KCNH7: variants seen among roughly 807,000 people sequenced by gnomAD.
KCNH7 encodes the protein voltage-gated inwardly rectifying potassium channel KCNH7.
In KCNH7, 49 loss-of-function variants were observed where a neutral mutation model predicts 120.8. That is an observed-to-expected ratio of 0.41 (90% confidence interval 0.32 to 0.51). KCNH7 has a LOEUF of 0.51. KCNH7 is among the 20% of genes least tolerant of loss of function. The pLI, the probability that KCNH7 is intolerant of heterozygous loss-of-function variation, is 0.38. For missense variants in KCNH7, 1,097 were observed against 1,446.6 expected, an observed-to-expected ratio of 0.76 and a Z score of 3.92; for synonymous variants, 547 against 516.1, an observed-to-expected ratio of 1.06 and a Z score of -0.81.
rs571237606 is a variant in KCNH7 at position 162,741,825 on chromosome 2, A to G, written c.307+94712T>C. ...TTTTATGAAGCAATGTGAGATATACATAAGATACTGAAACTTTTTAAATGT... is the reference window on the plus strand; with the variant it reads ...TTTTATGAAGCAATGTGAGATATACGTAAGATACTGAAACTTTTTAAATGT... On this transcript the variant is annotated intron_variant, in intron 2 of 15. Coordinates refer to ENST00000332142, the MANE Select transcript of KCNH7 (RefSeq NM_033272.4). 3.3e-5 allele frequency among the ~76,000 whole-genome samples: 5 copies of G among 152,314 alleles called. No individual in the cohort carries two copies. In the East Asian group the frequency reaches 9.6e-4, roughly 29 times the overall value.
At chr2:162,636,666 T>G (rs73028550) in intron 2 of KCNH7, among the ~76,000 whole-genome samples, 19,337 of 152,122 alleles carry the variant, frequency 0.13, 2,432 homozygotes, top group African/African-American at 0.31. Flanking sequence ...GATCATATTC[T>G]GTTGCTTTTA....
chr2:162,655,726 G>A (rs1002321014), intron 2 of KCNH7, among the ~76,000 whole-genome samples: 4 of 152,156 alleles, frequency 2.6e-5, no homozygotes, highest in Non-Finnish European at 4.4e-5. Flanking sequence ...CTGGGAGGCG[G>A]AGGTTGCAGT....
chr2:162,425,873 A>G (rs1687844162), intron 8 of KCNH7, among the ~76,000 whole-genome samples: 1 of 152,182 alleles, frequency 6.6e-6, no homozygotes, highest in Non-Finnish European at 1.5e-5. Context: ...ACTTGCTGTC[A>G]AGATGAAACA....
intron 9 of KCNH7, 144 bp downstream of exon 9, chr2:162,423,192 G>C: frequency 1.3e-6 from 2 of 1,520,434 alleles, no homozygotes; most frequent in Non-Finnish European, 1.8e-6. Context: ...GAGAATGAGA[G>C]ACTATCTCCA....
chr2:162,422,485 C>CT (rs1000745213), intron 9 of KCNH7, among the ~76,000 whole-genome samples: 3 of 151,880 alleles, frequency 2.0e-5, no homozygotes, highest in Non-Finnish European at 4.4e-5. Context: ...TATTTTTATT[C>CT]TTTTTTTTCT....
chr2:162,822,210 G>T (rs1328386914), intron 2 of KCNH7, among the ~76,000 whole-genome samples: 2 of 151,382 alleles, frequency 1.3e-5, no homozygotes, highest in African/African-American at 4.9e-5. Context: ...AGATGTGGGT[G>T]CAAACTTCAT....
intron 3 of KCNH7, among the ~76,000 whole-genome samples, chr2:162,535,207 T>C (rs191063814): frequency 5.9e-5 from 9 of 151,902 alleles, no homozygotes; most frequent in Admixed American, 4.6e-4. Context: ...GTTGATTTCT[T>C]TTTAATGATA....
chr2:162,378,720 C>A (rs1208505385), intron 14 of KCNH7, among the ~76,000 whole-genome samples: 1 of 152,188 alleles, frequency 6.6e-6, no homozygotes, highest in Non-Finnish European at 1.5e-5. Context: ...AATGTGGTCA[C>A]CCATTGGTGA....
chr2:162,651,180 T>G (rs1684552370), intron 2 of KCNH7, among the ~76,000 whole-genome samples: 1 of 152,182 alleles, frequency 6.6e-6, no homozygotes, highest in Non-Finnish European at 1.5e-5. Flanking sequence ...GAGAGAAGTA[T>G]CTTAGTGCAT....
At chr2:162,505,549 T>C (rs1356311207) in intron 5 of KCNH7, among the ~76,000 whole-genome samples, 1 of 151,932 alleles carries the variant, frequency 6.6e-6, no homozygotes, top group Non-Finnish European at 1.5e-5. Context: ...GGGAGTAGAC[T>C]GACCAGCTGT....
Position 162,602,041 on chromosome 2 carries a change from G to A in KCNH7, c.308-64961C>T, listed in dbSNP as rs149309926. On this transcript the variant is annotated intron_variant, in intron 2 of 15. Coordinates refer to ENST00000332142, the MANE Select transcript of KCNH7 (RefSeq NM_033272.4). Reference sequence around the variant, plus strand: ...TTTTGGATATTAGGGTCCTTGCAGAGGAGGGGGGTGGAGTCAGAGTTGGAG... The same window carrying A: ...TTTTGGATATTAGGGTCCTTGCAGAAGAGGGGGGTGGAGTCAGAGTTGGAG... Among the ~76,000 whole-genome samples, 916 of 152,218 alleles carry A rather than the reference G, an allele frequency of 6.0e-3. 11 individuals carry two copies. The highest frequency in any genetic ancestry group is 0.021 in the African/African-American group (874 of 41,550).
At position 162,836,594 on chromosome 2, in the gene KCNH7, G is replaced by A; in HGVS notation, c.250C>T (p.Gln84Ter). The change falls in exon 2 of 16, where the codon CAG becomes TAG. Residue 84 changes from glutamine (Q) to a stop codon, truncating the protein, a stop_gained. Coordinates refer to ENST00000332142, the MANE Select transcript of KCNH7 (RefSeq NM_033272.4). LOFTEE classifies it high-confidence loss of function. Reference sequence around the variant, plus strand: ...CTCTCTTCTGACCCCAGCAATGCCTGGGCAATTTGGGCAATATCATGCCTC... The same window carrying A: ...CTCTCTTCTGACCCCAGCAATGCCTAGGCAATTTGGGCAATATCATGCCTC... Reference protein sequence around the residue: ...TKRHDIAQIAQALLGSEERKV... With the variant: ...TKRHDIAQIA The A allele has an allele frequency of 6.2e-7, 1 of 1,614,094 alleles. No homozygotes were observed.
At chr2:162,600,309 C>G (rs1694508167) in intron 2 of KCNH7, among the ~76,000 whole-genome samples, 1 of 152,054 alleles carries the variant, frequency 6.6e-6, no homozygotes. Context: ...TGAGACCAAG[C>G]AGCTCCAGGA....
intron 12 of KCNH7, among the ~76,000 whole-genome samples, chr2:162,386,416 A>C (rs1003967629): frequency 1.3e-5 from 2 of 151,996 alleles, no homozygotes; most frequent in South Asian, 4.2e-4. Flanking sequence ...TTTATTCCTC[A>C]AAACATAATA....
intron 2 of KCNH7, among the ~76,000 whole-genome samples, chr2:162,594,146 T>C (rs1380999193): frequency 6.6e-6 from 1 of 152,002 alleles, no homozygotes; most frequent in East Asian, 1.9e-4. Context: ...ATTTCAGAAT[T>C]TGGGGAAGGT....
chr2:162,581,756 T>C (rs1186906312), intron 2 of KCNH7, among the ~76,000 whole-genome samples: 8 of 152,092 alleles, frequency 5.3e-5, no homozygotes, highest in Admixed American at 5.2e-4. Flanking sequence ...TGATATCAAA[T>C]GCCAGGAGTA....
intron 7 of KCNH7, among the ~76,000 whole-genome samples, chr2:162,442,752 G>T (rs889215802): frequency 2.0e-5 from 3 of 152,158 alleles, no homozygotes; most frequent in South Asian, 2.1e-4. Context: ...AGCTCCTCAG[G>T]GGGGTGAGGC....
Position 162,712,499 on chromosome 2 carries a change from T to A in KCNH7, c.307+124038A>T, listed in dbSNP as rs540075617. ...TCTGCTGCATAAGAGGGGAGAATGG[T>A]TCAGATACAGTTATTCGTCTAAACT... On this transcript the variant is annotated intron_variant, in intron 2 of 15. Transcript: ENST00000332142. Among the ~76,000 whole-genome samples the A allele has an allele frequency of 7.9e-5, 12 of 152,226 alleles. No individual in the cohort carries two copies. The South Asian group carries it at 2.5e-3, about 32-fold the overall frequency.
intron 3 of KCNH7, among the ~76,000 whole-genome samples, chr2:162,532,145 T>C (rs1277205429): frequency 1.3e-5 from 2 of 151,854 alleles, no homozygotes; most frequent in African/African-American, 2.4e-5. Context: ...AAAGACAACT[T>C]ACAGACTTTT....
Sources: gnomAD v4.1 joint callset for allele counts (sites outside exome capture counted in the v4.1 genomes callset) on GRCh38, gnomAD v4.1.1 for gene constraint, MANE v1.5 for transcripts, NCBI Gene and HGNC (gene_info 2026-07-23, HGNC 2026-07-21) for gene names.